FBXO34: variants seen among roughly 807,000 people sequenced by gnomAD.
The protein encoded by FBXO34 is F-box protein 34.
FBXO34 carries 12 observed loss-of-function variants against 24.5 expected under a neutral mutation model. The observed-to-expected ratio is 0.49, with a 90% CI of 0.31 to 0.79. The LOEUF (loss-of-function observed/expected upper bound fraction) is 0.79, where lower values mean the gene tolerates loss of function less well. Among genes scored for constraint, FBXO34 ranks in the 30% least tolerant of loss-of-function variants. FBXO34 has a pLI of 0.04. For missense variants in FBXO34, 823 were observed against 857.7 expected (o/e 0.96, Z 0.51); for synonymous variants, 320 against 311.9 (o/e 1.03, Z -0.27).
At chr14:55,272,032 G>A (rs1008960973) in intron 1 of FBXO34, 1 of 152,314 alleles carries the variant, frequency 6.6e-6, no homozygotes, top group Admixed American at 6.5e-5. Flanking sequence ...AGGCGGGACG[G>A]AGGCTCGGAC....
chr14:55,331,693 A>ATATATATATATATGTATATATATATG (rs1883553708), intron 1 of FBXO34, among the ~76,000 whole-genome samples: 2 of 66,562 alleles, frequency 3.0e-5, no homozygotes, highest in East Asian at 7.9e-4. Flanking sequence ...ATGTGTATAT[A>ATATATATATATATGTATATATATATG]TATATATATA....
At chr14:55,416,997 AAG>A in the FBXO34 span, among the ~76,000 whole-genome samples, 1 of 152,230 alleles carries the variant, frequency 6.6e-6, no homozygotes, top group Non-Finnish European at 1.5e-5. Flanking sequence ...AATCATAACT[AAG>A]AGCATTGCAT....
At chr14:55,278,992 CTTTA>C (rs1430172479) in intron 1 of FBXO34, among the ~76,000 whole-genome samples, 1 of 151,488 alleles carries the variant, frequency 6.6e-6, no homozygotes, top group Non-Finnish European at 1.5e-5. Context: ...CACCCTGTTT[CTTTA>C]TTAAAGAGAT....
chr14:55,327,282 A>G (rs1270381558), intron 1 of FBXO34, among the ~76,000 whole-genome samples: 1 of 152,170 alleles, frequency 6.6e-6, no homozygotes, highest in Non-Finnish European at 1.5e-5. Flanking sequence ...AGAGTAAGCA[A>G]AAGGGAGAGA....
the FBXO34 span, among the ~76,000 whole-genome samples, chr14:55,382,601 G>A: frequency 6.6e-6 from 1 of 152,132 alleles, no homozygotes; most frequent in Admixed American, 6.6e-5. Flanking sequence ...ATGAGCTACC[G>A]TGACCAGCCA....
intron 1 of FBXO34, among the ~76,000 whole-genome samples, chr14:55,308,073 C>G (rs192040862): frequency 1.4e-4 from 22 of 152,356 alleles, no homozygotes; most frequent in Admixed American, 8.5e-4. Flanking sequence ...TGCACAAGCT[C>G]TCTTGCGTGT....
At chr14:55,378,850 T>C in the FBXO34 span, among the ~76,000 whole-genome samples, 1 of 152,126 alleles carries the variant, frequency 6.6e-6, no homozygotes, top group South Asian at 2.1e-4. Context: ...GGACTATAGG[T>C]GTGTGTCACC....
chr14:55,280,527 CTTTTTTT>C (rs77678519), intron 1 of FBXO34, among the ~76,000 whole-genome samples: 4,871 of 125,888 alleles, frequency 0.039, 229 homozygotes, highest in East Asian at 0.14. Context: ...ATATCAGGAA[CTTTTTTT>C]TTTTTTTTTT....
At chr14:55,392,229 G>C in the FBXO34 span, among the ~76,000 whole-genome samples, 1 of 152,156 alleles carries the variant, frequency 6.6e-6, no homozygotes, top group Non-Finnish European at 1.5e-5. Context: ...AGCTCAGGTG[G>C]TAATGCTCAC....
At chr14:55,353,798 G>A (rs567637075), downstream of FBXO34, among the ~76,000 whole-genome samples, 2 of 152,092 alleles carry the variant, frequency 1.3e-5, no homozygotes, top group South Asian at 2.1e-4. Context: ...CAGTTCTTCC[G>A]TTTGTTGTCT....
At chr14:55,439,437 C>A in the FBXO34 span, among the ~76,000 whole-genome samples, 1 of 151,994 alleles carries the variant, frequency 6.6e-6, no homozygotes, top group African/African-American at 2.4e-5. Context: ...AAGCAGAAAC[C>A]CGTGGGAACC....
the FBXO34 span, among the ~76,000 whole-genome samples, chr14:55,410,647 G>A: frequency 2.6e-5 from 4 of 152,324 alleles, no homozygotes; most frequent in Non-Finnish European, 5.9e-5. Context: ...CGGGTACATA[G>A]GTCCAAGCTG....
At chr14:55,310,995 A>G (rs7147247) in intron 1 of FBXO34, among the ~76,000 whole-genome samples, 1 of 151,990 alleles carries the variant, frequency 6.6e-6, no homozygotes, top group Non-Finnish European at 1.5e-5. Flanking sequence ...ATAAGAACAA[A>G]TGCTGTTTGA....
At chr14:55,417,945 T>G in the FBXO34 span, among the ~76,000 whole-genome samples, 705 of 152,320 alleles carry the variant, frequency 4.6e-3, 5 homozygotes, top group African/African-American at 0.016. Context: ...AATAAATTAC[T>G]TAACCACTTT....
At chr14:55,342,941 A>G (rs1226814628) in intron 1 of FBXO34, among the ~76,000 whole-genome samples, 2 of 152,202 alleles carry the variant, frequency 1.3e-5, no homozygotes, top group Non-Finnish European at 2.9e-5. Context: ...TGTATTTCCT[A>G]TCTAATTCTA....
intron 1 of FBXO34, among the ~76,000 whole-genome samples, chr14:55,328,517 C>T (rs1030013943): frequency 6.6e-6 from 1 of 152,230 alleles, no homozygotes; most frequent in Non-Finnish European, 1.5e-5. Context: ...GAATGATTCT[C>T]ATCCTGCATG....
chr14:55,356,075 C>T (rs531750221), downstream of FBXO34, among the ~76,000 whole-genome samples: 5 of 152,276 alleles, frequency 3.3e-5, no homozygotes, highest in Admixed American at 6.5e-5. Context: ...GGCTCTGAGC[C>T]GGTGGTTATG....
At chr14:55,310,914 A>G (rs908879090) in intron 1 of FBXO34, among the ~76,000 whole-genome samples, 6 of 152,060 alleles carry the variant, frequency 3.9e-5, no homozygotes, top group Admixed American at 6.5e-5. Context: ...TAACTTTTCT[A>G]GCTACATAAG....
chr14:55,369,461 T>TA (rs1423883842), downstream of FBXO34: 1 of 676,264 alleles, frequency 1.5e-6, no homozygotes, highest in Non-Finnish European at 2.2e-6. Context: ...ACTTGGCAAA[T>TA]AGAAATGTTT....
Sources: gnomAD v4.1 joint callset for allele counts (sites outside exome capture counted in the v4.1 genomes callset) on GRCh38, gnomAD v4.1.1 for gene constraint, MANE v1.5 for transcripts, NCBI Gene and HGNC (gene_info 2026-07-23, HGNC 2026-07-21) for gene names.